SPECC1: variants seen among roughly 807,000 people sequenced by gnomAD.
SPECC1 encodes sperm antigen with calponin homology and coiled-coil domains 1, also known as cytospin-B.
SPECC1 carries 62 observed loss-of-function variants against 104.1 expected under a neutral mutation model. The observed-to-expected ratio is 0.60, with a 90% CI of 0.49 to 0.74. SPECC1 has a LOEUF of 0.74. SPECC1 is among the 30% of genes least tolerant of loss of function. SPECC1 has a pLI of 0.00. For missense variants in SPECC1, 1,306 were observed against 1,310.5 expected (o/e 1.00, Z 0.05); for synonymous variants, 513 against 501.6 (o/e 1.02, Z -0.30).
chr17:20,238,717 A>C (rs2039055402), intron 7 of SPECC1: 1 of 1,041,618 alleles, frequency 9.6e-7, no homozygotes, highest in Non-Finnish European at 1.2e-6. Flanking sequence ...TCTTAGGATT[A>C]TTTAAAATTC....
At chr17:20,034,582 A>G (rs1437259807) in intron 1 of SPECC1, among the ~76,000 whole-genome samples, 3 of 149,728 alleles carry the variant, frequency 2.0e-5, no homozygotes, top group Non-Finnish European at 3.0e-5. Context: ...CTCGCCTTAC[A>G]TCCCAAAGAT....
chr17:20,058,835 C>CTTTTTTTTTTTTTTTT, intron 1 of SPECC1, among the ~76,000 whole-genome samples: 1 of 103,574 alleles, frequency 9.7e-6, no homozygotes, highest in Non-Finnish European at 2.0e-5. Context: ...CACTTTATTT[C>CTTTTTTTTTTTTTTTT]TTTTTTTTTT....
intron 3 of SPECC1, among the ~76,000 whole-genome samples, chr17:20,161,802 T>C (rs1055421780): frequency 2.8e-4 from 43 of 151,272 alleles, no homozygotes; most frequent in Non-Finnish European, 5.5e-4. Context: ...TTCTTTCTTT[T>C]TTTTTTTTTT....
chr17:20,051,370 T>A (rs548421376), intron 1 of SPECC1, among the ~76,000 whole-genome samples: 1 of 152,004 alleles, frequency 6.6e-6, no homozygotes, highest in Non-Finnish European at 1.5e-5. Context: ...GAGACAGGTT[T>A]CACCATGTTG....
At chr17:20,301,804 C>T (rs773644842) in intron 13 of SPECC1, among the ~76,000 whole-genome samples, 24 of 152,242 alleles carry the variant, frequency 1.6e-4, no homozygotes, top group Non-Finnish European at 2.8e-4. Context: ...CTCCCAAGTC[C>T]AAGCGATTCT....
chr17:20,068,547 T>C (rs1462082074), intron 1 of SPECC1, among the ~76,000 whole-genome samples: 1 of 152,198 alleles, frequency 6.6e-6, no homozygotes, highest in African/African-American at 2.4e-5. Flanking sequence ...TGTAACTTTT[T>C]GAGGGACTCC....
At chr17:20,229,325 C>G (rs1033824754) in intron 5 of SPECC1, among the ~76,000 whole-genome samples, 1 of 152,118 alleles carries the variant, frequency 6.6e-6, no homozygotes, top group African/African-American at 2.4e-5. Flanking sequence ...CATGCAGACG[C>G]AAGCTCTTGT....
intron 1 of SPECC1, among the ~76,000 whole-genome samples, chr17:20,018,409 G>A (rs571060811): frequency 6.6e-6 from 1 of 152,300 alleles, no homozygotes; most frequent in East Asian, 1.9e-4. Flanking sequence ...TATTGTTTTG[G>A]GGACAGGGTC....
chr17:20,171,556 AT>A (rs920469580), intron 3 of SPECC1, among the ~76,000 whole-genome samples: 1 of 150,450 alleles, frequency 6.6e-6, no homozygotes, highest in Admixed American at 6.6e-5. Flanking sequence ...GGTTATTCCT[AT>A]TTTTTTTTGA....
In SPECC1 at chr17:20,314,692, T is replaced by TTC. The variant is rs2042014733; in HGVS notation, c.*627_*628insTC. 1.3e-5 allele frequency: 2 copies of TTC among 151,490 alleles called. No individual in the cohort carries two copies. Among genetic ancestry groups the TTC allele is most frequent in the Middle Eastern group, 2.2e-3 (1 of 448 alleles). 9.4% of individuals were successfully genotyped at this position (151,490 alleles called of 1,614,324 possible). A position where few individuals can be genotyped will look rare whatever the true frequency, so the allele number is the denominator to read the frequency against. On this transcript the variant is annotated 3_prime_UTR_variant, in exon 15 of 15. Transcript: ENST00000395527. The stretch of plus-strand genomic sequence containing the variant: ...CCCTTGTGAACCCTCCCTTCCCCCC[T>TTC]CCCCCCCCAAAAAAAAACAACAAAA...
intron 7 of SPECC1, among the ~76,000 whole-genome samples, chr17:20,244,389 T>G (rs2039333547): frequency 6.6e-6 from 1 of 152,210 alleles, no homozygotes; most frequent in Non-Finnish European, 1.5e-5. Flanking sequence ...TGAAAACCAG[T>G]TCCTCTCAAT....
At chr17:20,114,668 T>C (rs1446258449) in intron 3 of SPECC1, among the ~76,000 whole-genome samples, 1 of 152,138 alleles carries the variant, frequency 6.6e-6, no homozygotes, top group Non-Finnish European at 1.5e-5. Context: ...TACAGACTCA[T>C]CAACATGAGG....
intron 4 of SPECC1, among the ~76,000 whole-genome samples, chr17:20,211,990 C>A (rs567166844): frequency 6.6e-6 from 1 of 152,212 alleles, no homozygotes; most frequent in East Asian, 1.9e-4. Flanking sequence ...GAAGTACCTG[C>A]GTGGGGCCTT....
chr17:20,274,923 ATAT>A (rs2040528003), intron 12 of SPECC1, among the ~76,000 whole-genome samples: 1 of 151,328 alleles, frequency 6.6e-6, no homozygotes, highest in Non-Finnish European at 1.5e-5. Flanking sequence ...AGATTTAATA[ATAT>A]TATTAAATAA....
rs2042004221 is a variant in SPECC1, at chr17:20,314,248, G to C, written c.*183G>C. 1 of 614,968 alleles carries C rather than the reference G, an allele frequency of 1.6e-6. No individual in the cohort carries two copies. Among genetic ancestry groups the C allele is most frequent in the East Asian group, 2.8e-5 (1 of 36,104 alleles). 38.1% of individuals were successfully genotyped at this position (614,968 alleles called of 1,614,324 possible). On this transcript the variant is annotated 3_prime_UTR_variant, in exon 15 of 15. Transcript: ENST00000395527. ...AGTGGGTCCCACGATGTACCTGTCT[G>C]AAATGCAAATGCAGCTGGACTGTAA...
intron 1 of SPECC1, among the ~76,000 whole-genome samples, chr17:20,060,148 G>A (rs1412732392): frequency 6.6e-6 from 1 of 151,022 alleles, no homozygotes; most frequent in East Asian, 1.9e-4. Context: ...TTTTTTTTTG[G>A]CCTCTGAAGA....
intron 2 of SPECC1, among the ~76,000 whole-genome samples, chr17:20,105,937 A>G (rs2048180082): frequency 6.6e-6 from 1 of 152,088 alleles, no homozygotes; most frequent in African/African-American, 2.4e-5. Flanking sequence ...GAGTGCTCTC[A>G]TTTGTTGGAT....
intron 12 of SPECC1, among the ~76,000 whole-genome samples, chr17:20,261,729 G>C (rs1356366125): frequency 6.6e-6 from 1 of 152,144 alleles, no homozygotes; most frequent in African/African-American, 2.4e-5. Context: ...GACAGTATCT[G>C]TTTTCTGTGA....
chr17:20,281,542 G>C (rs143177328), intron 12 of SPECC1, among the ~76,000 whole-genome samples: 1 of 152,298 alleles, frequency 6.6e-6, no homozygotes, highest in Non-Finnish European at 1.5e-5. Context: ...TCCCAGCCTC[G>C]AGGGCTGAAC....
Sources: allele counts gnomAD v4.1 joint callset (sites outside exome capture counted in the v4.1 genomes callset), GRCh38; gene constraint gnomAD v4.1.1; transcripts MANE v1.5; gene names NCBI Gene and HGNC (gene_info 2026-07-23, HGNC 2026-07-21).